SORCS3: variants seen among roughly 807,000 people sequenced by gnomAD.
The protein encoded by SORCS3 is VPS10 domain-containing receptor SorCS3.
A neutral mutation model predicts 146.3 loss-of-function variants in SORCS3; 57 were observed. The ratio of observed to expected loss-of-function variants is 0.39; its 90% confidence interval spans 0.31 to 0.49. The LOEUF (loss-of-function observed/expected upper bound fraction) is 0.49. Among genes scored for constraint, SORCS3 ranks in the 20% least tolerant of loss-of-function variants. The pLI, the probability that SORCS3 is intolerant of heterozygous loss-of-function variation, is 0.92. For synonymous variants in SORCS3, 653 were observed against 618.5 expected (o/e 1.06, Z -0.83); for missense variants, 1,341 against 1,575.5 (o/e 0.85, Z 2.52).
intron 4 of SORCS3, among the ~76,000 whole-genome samples, chr10:105,026,374 C>G (rs931195381): frequency 1.3e-5 from 2 of 152,202 alleles, no homozygotes; most frequent in Non-Finnish European, 2.9e-5. Context: ...GTCACTAAAT[C>G]AGATTGTGGG....
At chr10:104,976,149 G>A (rs537178252) in intron 3 of SORCS3, among the ~76,000 whole-genome samples, 8 of 152,200 alleles carry the variant, frequency 5.3e-5, no homozygotes, top group Admixed American at 1.3e-4. Flanking sequence ...GAAAATTTTC[G>A]CATCCTACTC....
chr10:105,180,414 C>T (rs1301749357), intron 14 of SORCS3, among the ~76,000 whole-genome samples: 2 of 152,144 alleles, frequency 1.3e-5, no homozygotes, highest in Non-Finnish European at 2.9e-5. Context: ...TGTAGGAAGT[C>T]AGTAATCGTT....
chr10:104,702,461 T>C (rs2016290699), intron 1 of SORCS3, among the ~76,000 whole-genome samples: 1 of 152,134 alleles, frequency 6.6e-6, no homozygotes. Flanking sequence ...CAAATTTTTA[T>C]GTTTTCAGTA....
At chr10:105,248,481 AGGC>A (rs2056880209) in intron 22 of SORCS3, among the ~76,000 whole-genome samples, 1 of 152,178 alleles carries the variant, frequency 6.6e-6, no homozygotes, top group Admixed American at 6.5e-5. Flanking sequence ...TGGGAGGCCG[AGGC>A]GGGTGTATCA....
chr10:105,262,271 A>G (rs1044235794), intron 25 of SORCS3, 60 bp from the exon 26 acceptor site: 17 of 1,529,810 alleles, frequency 1.1e-5, no homozygotes, highest in Non-Finnish European at 1.4e-5. Context: ...CAGGATTTCC[A>G]GCTGCCCAAG....
chr10:104,832,277 T>C (rs917220313), intron 1 of SORCS3, among the ~76,000 whole-genome samples: 1 of 152,302 alleles, frequency 6.6e-6, no homozygotes, highest in South Asian at 2.1e-4. Flanking sequence ...ATTCTCTTTG[T>C]CCTCATTATA....
chr10:104,876,357 A>G (rs2018571523), intron 2 of SORCS3, among the ~76,000 whole-genome samples: 1 of 152,130 alleles, frequency 6.6e-6, no homozygotes, highest in Non-Finnish European at 1.5e-5. Context: ...CTGCCTTTTC[A>G]TTTGGCTATT....
chr10:105,213,500 G>A (rs915735905), intron 17 of SORCS3, among the ~76,000 whole-genome samples: 26 of 152,182 alleles, frequency 1.7e-4, no homozygotes, highest in African/African-American at 6.3e-4. Flanking sequence ...TGATGGTGGT[G>A]ATGGTCATAG....
intron 17 of SORCS3, 127 bp from the exon 18 acceptor site, chr10:105,214,315 C>A: frequency 2.1e-6 from 2 of 966,220 alleles, no homozygotes; most frequent in East Asian, 2.5e-5. Flanking sequence ...TTTCCAGGGG[C>A]CGCTGTGTGA....
chr10:105,129,331 C>CTCTCTCTCTCT (rs1172062304), intron 7 of SORCS3, among the ~76,000 whole-genome samples: 6 of 104,634 alleles, frequency 5.7e-5, no homozygotes, highest in African/African-American at 2.0e-4. Flanking sequence ...CTTTCTTTCT[C>CTCTCTCTCTCT]TTTTTTTTTT....
chr10:105,174,082 C>T (rs904718891), intron 13 of SORCS3, among the ~76,000 whole-genome samples: 1 of 152,146 alleles, frequency 6.6e-6, no homozygotes, highest in Non-Finnish European at 1.5e-5. Context: ...AGGACCTTTC[C>T]TTTTCTGTTC....
chr10:104,894,797 G>A lies in SORCS3; in HGVS notation c.696-21036G>A, dbSNP rs567305759. On this transcript the variant is annotated intron_variant, in intron 2 of 26. Coordinates refer to ENST00000369701, the MANE Select transcript of SORCS3 (RefSeq NM_014978.3). ...GGAAAAGGAGAAGGAGGGAGGAAGT[G>A]GGGGAGGAGAGGTAGGTGCAGGAGA... Among the ~76,000 whole-genome samples, 74 of 152,244 alleles carry A rather than the reference G, an allele frequency of 4.9e-4. 1 individual carries two copies. The highest frequency in any genetic ancestry group is 1.8e-3 in the African/African-American group (73 of 41,548).
intron 7 of SORCS3, among the ~76,000 whole-genome samples, chr10:105,120,017 G>A (rs879091072): frequency 2.6e-5 from 4 of 152,174 alleles, no homozygotes; most frequent in Non-Finnish European, 5.9e-5. Flanking sequence ...TGGTTTGACT[G>A]TGTCTTCATC....
At chr10:105,260,904 A>AG (rs1236202497) in intron 25 of SORCS3, among the ~76,000 whole-genome samples, 3 of 152,192 alleles carry the variant, frequency 2.0e-5, no homozygotes, top group Admixed American at 2.0e-4. Flanking sequence ...ATGAGGTAAG[A>AG]GGGGTCTCTT....
At chr10:105,007,539 G>A (rs945814955) in intron 4 of SORCS3, among the ~76,000 whole-genome samples, 4 of 152,152 alleles carry the variant, frequency 2.6e-5, no homozygotes, top group Non-Finnish European at 5.9e-5. Context: ...ATGAATGTGT[G>A]AGTGTGAGTT....
intron 2 of SORCS3, among the ~76,000 whole-genome samples, chr10:104,863,230 T>C (rs1387038220): frequency 6.6e-6 from 1 of 152,168 alleles, no homozygotes; most frequent in Admixed American, 6.5e-5. Context: ...ACCTTCTCAC[T>C]TCAGAGTTTG....
At chr10:105,067,546 A>T (rs927665423) in intron 5 of SORCS3, among the ~76,000 whole-genome samples, 1 of 152,056 alleles carries the variant, frequency 6.6e-6, no homozygotes, top group Non-Finnish European at 1.5e-5. Flanking sequence ...ATAAACCTCA[A>T]TTTTTTCCTT....
intron 4 of SORCS3, among the ~76,000 whole-genome samples, chr10:104,996,812 GA>G (rs1179882553): frequency 1.3e-5 from 2 of 151,968 alleles, no homozygotes; most frequent in South Asian, 2.1e-4. Context: ...CTTAATAATA[GA>G]AAAAAAAATT....
At chr10:104,691,159 C>T (rs969157135) in intron 1 of SORCS3, among the ~76,000 whole-genome samples, 10 of 152,146 alleles carry the variant, frequency 6.6e-5, no homozygotes. Context: ...AGCTCTAGCA[C>T]CATGGTGTCA....
Sources: allele counts gnomAD v4.1 joint callset (sites outside exome capture counted in the v4.1 genomes callset), GRCh38; gene constraint gnomAD v4.1.1; transcripts MANE v1.5; gene names NCBI Gene and HGNC (gene_info 2026-07-23, HGNC 2026-07-21).